Variants in OLR1 observed in about 807,000 individuals in gnomAD.
OLR1 encodes oxidized low density lipoprotein receptor 1, also known as oxidized low-density lipoprotein receptor 1.
Under a neutral mutation model 31.7 loss-of-function variants are expected in OLR1, and 23 were observed. The ratio of observed to expected loss-of-function variants is 0.72; its 90% CI spans 0.52 to 1.03. The LOEUF (loss-of-function observed/expected upper bound fraction) is 1.03. OLR1 is among the 50% of genes least tolerant of loss of function. The pLI is 0.00. For missense variants in OLR1, 286 were observed against 315.7 expected (o/e 0.91, Z 0.71); for synonymous variants, 117 against 115.8 (o/e 1.01, Z -0.07).
At chr12:10,168,574 A>G (rs569603680) in intron 2 of OLR1, among the ~76,000 whole-genome samples, 9 of 152,162 alleles carry the variant, frequency 5.9e-5, no homozygotes, top group Non-Finnish European at 1.0e-4. Flanking sequence ...GCTCACTGCA[A>G]ATTCCACCTC....
At chr12:10,166,020 G>T (rs1472651479) in intron 3 of OLR1, among the ~76,000 whole-genome samples, 2 of 151,500 alleles carry the variant, frequency 1.3e-5, no homozygotes, top group South Asian at 2.1e-4. Context: ...AGACCAGCCT[G>T]TTCAATATGG....
chr12:10,175,862 TG>T (rs1948761788), upstream of OLR1, among the ~76,000 whole-genome samples: 1 of 152,228 alleles, frequency 6.6e-6, no homozygotes. Context: ...AATCCATAGT[TG>T]GCCACCTGAC....
chr12:10,165,958 C>T (rs183366114), intron 3 of OLR1, among the ~76,000 whole-genome samples: 3 of 152,146 alleles, frequency 2.0e-5, no homozygotes, highest in African/African-American at 7.2e-5. Flanking sequence ...CACCTGTAAT[C>T]CCAGCACTTT....
At position 10,160,809 on chromosome 12, in the gene OLR1, T is replaced by C. The variant is rs766875651; in HGVS notation, c.541A>G (p.Lys181Glu). 1.2e-6 allele frequency: 2 copies of C among 1,614,198 alleles called. No homozygotes were observed. Among genetic ancestry groups the C allele is most frequent in the East Asian group, 4.5e-5 (2 of 44,888 alleles). Reference protein sequence around the residue: ...KCLSLDAKLLKINSTADLDFI... With the variant: ...KCLSLDAKLLEINSTADLDFI... ...ACCAGATCAGCTGTGCTATTAATTT[T>C]CAGCAACTTGGCATCCAAAGACAAG... The change falls in exon 4 of 6, where the codon AAA becomes GAA. Residue 181 changes from lysine to glutamate, a missense_variant. Transcript: ENST00000309539.
chr12:10,168,524 C>G (rs747969909), intron 2 of OLR1, among the ~76,000 whole-genome samples: 1 of 152,120 alleles, frequency 6.6e-6, no homozygotes, highest in Admixed American at 6.6e-5. Context: ...AATGGAGTCT[C>G]GCTCTGTTGC....
Position 10,172,065 on chromosome 12 carries a change from C to A in OLR1, c.13G>T (p.Asp5Tyr), listed in dbSNP as rs1267818705. MTFD[D>Y]LKIQTVKDQP... ...TCCTTCACAGTCTGGATCTTTAGGT[C>A]ATCAAAAGTCATTTCCAAATTCAAG... The change falls in exon 1 of 6, where the codon GAC becomes TAC. Residue 5 changes from aspartate (D) to tyrosine (Y), a missense_variant. Asp to Tyr is a radical substitution (Grantham distance 160, BLOSUM62 -3). Transcript: ENST00000309539. 2 of 1,613,298 alleles carry A rather than the reference C, an allele frequency of 1.2e-6. No individual in the cohort carries two copies. Among genetic ancestry groups the A allele is most frequent in the Non-Finnish European group, 1.7e-6 (2 of 1,179,468 alleles).
intron 1 of OLR1, chr12:10,170,731 T>G (rs1948707914): frequency 6.6e-6 from 1 of 152,320 alleles, no homozygotes; most frequent in African/African-American, 2.4e-5. Context: ...TCCGCCCACC[T>G]CAGCCTCCCA....
chr12:10,174,759 G>A (rs747624802), upstream of OLR1, among the ~76,000 whole-genome samples: 1 of 152,046 alleles, frequency 6.6e-6, no homozygotes, highest in Non-Finnish European at 1.5e-5. Context: ...TCCTTTCTTG[G>A]AAACCACCGT....
At chr12:10,165,212 G>A (rs1439700733) in intron 3 of OLR1, among the ~76,000 whole-genome samples, 9 of 151,882 alleles carry the variant, frequency 5.9e-5, no homozygotes, top group East Asian at 1.9e-4. Flanking sequence ...GCAGTGAGCC[G>A]AGAATGTGCC....
chr12:10,163,399 T>A (rs534708176), intron 3 of OLR1, among the ~76,000 whole-genome samples: 6 of 152,286 alleles, frequency 3.9e-5, no homozygotes, highest in South Asian at 2.1e-4. Context: ...AGTTTGAGAA[T>A]CACCACAAAT....
intron 1 of OLR1, among the ~76,000 whole-genome samples, 161 bp downstream of exon 1, chr12:10,171,841 A>G (rs1948721557): frequency 6.6e-6 from 1 of 152,238 alleles, no homozygotes; most frequent in Non-Finnish European, 1.5e-5. Flanking sequence ...TGTCATCATC[A>G]TCATCATTAT....
intron 5 of OLR1, 28 bp from the exon 6 acceptor site, chr12:10,160,049 C>CA: frequency 6.4e-7 from 1 of 1,573,496 alleles, no homozygotes; most frequent in Non-Finnish European, 8.6e-7. Flanking sequence ...CAAAACAAAC[C>CA]AACAAAAAAA....
intron 3 of OLR1, among the ~76,000 whole-genome samples, chr12:10,165,037 C>A (rs1026979192): frequency 6.6e-6 from 1 of 151,992 alleles, no homozygotes; most frequent in South Asian, 2.1e-4. Flanking sequence ...CCGAGGCGGG[C>A]GGATCACCCG....
Position 10,159,665 on chromosome 12 carries a change from G to T in OLR1, c.*215C>A. On this transcript the variant is annotated 3_prime_UTR_variant, in exon 6 of 6. Transcript: ENST00000309539. ...GACTTCAGGCTGGCAGGGAAGCTTG[G>T]GACAAGCTAGGTGAAATAATACAGG... The T allele has an allele frequency of 2.4e-6, 1 of 418,292 alleles. No individual in the cohort carries two copies. The highest frequency in any genetic ancestry group is 4.4e-6 in the Non-Finnish European group (1 of 229,408). The allele number at this position is 418,292 out of a possible 1,614,324, so 25.9% of individuals were successfully genotyped here.
At chr12:10,168,419 T>C (rs1948680012) in intron 2 of OLR1, among the ~76,000 whole-genome samples, 2 of 152,218 alleles carry the variant, frequency 1.3e-5, no homozygotes, top group South Asian at 4.1e-4. Flanking sequence ...TGATCTTGGA[T>C]ATTAGTAACT....
intron 4 of OLR1, 27 bp downstream of exon 4, chr12:10,160,759 C>G (rs3736232): frequency 0.46 from 731,395 of 1,607,182 alleles, 173,421 homozygotes; most frequent in Admixed American, 0.52. Flanking sequence ...CAATACTCCA[C>G]CCCAACAAAT....
intron 3 of OLR1, among the ~76,000 whole-genome samples, chr12:10,161,531 G>A (rs1033457799): frequency 2.0e-5 from 3 of 152,170 alleles, no homozygotes; most frequent in Non-Finnish European, 4.4e-5. Context: ...GTAGCCATAT[G>A]TGATTCTTGA....
intron 5 of OLR1, 51 bp downstream of exon 5, chr12:10,160,296 C>A: frequency 7.0e-7 from 1 of 1,433,068 alleles, no homozygotes; most frequent in East Asian, 2.3e-5. Flanking sequence ...GCAGGTTCAG[C>A]AAAGAATAGG....
intron 3 of OLR1, among the ~76,000 whole-genome samples, chr12:10,163,270 T>A (rs1490372917): frequency 1.3e-5 from 2 of 152,232 alleles, no homozygotes; most frequent in African/African-American, 4.8e-5. Context: ...CCTTTCAAAC[T>A]TCTAAGTTAA....
Sources: gnomAD v4.1 joint callset for allele counts (sites outside exome capture counted in the v4.1 genomes callset) on GRCh38, gnomAD v4.1.1 for gene constraint, MANE v1.5 for transcripts, NCBI Gene and HGNC (gene_info 2026-07-23, HGNC 2026-07-21) for gene names.